Variants in SYDE2 observed in about 807,000 individuals in gnomAD.
SYDE2 encodes rho GTPase-activating protein SYDE2.
In SYDE2, 76 loss-of-function variants were observed where a neutral mutation model predicts 91.5. The observed-to-expected ratio is 0.83, with a 90% CI of 0.69 to 1.01. The LOEUF is 1.01. Among genes scored for constraint, SYDE2 ranks in the 50% least tolerant of loss-of-function variants. The pLI is 0.00. For missense variants in SYDE2, 1,364 were observed against 1,367.7 expected (o/e 1.00, Z 0.04); for synonymous variants, 513 against 506.4 (o/e 1.01, Z -0.18).
At position 85,182,879 on chromosome 1, in the gene SYDE2, A is replaced by G. The variant is rs761467027; in HGVS notation, c.1763T>C (p.Val588Ala). The change falls in exon 3 of 7, where the codon GTT (valine) becomes GCT (alanine). Residue 588 changes from valine (V) to alanine (A), a missense_variant. Physicochemically the swap from Val to Ala is moderately conservative, Grantham distance 64 (BLOSUM62 0). Coordinates refer to ENST00000341460, the MANE Select transcript of SYDE2 (RefSeq NM_032184.2). ...GNTTTAAKRN[V>A]ISRYHLDTSV... ...GGTATCAAGATGGTATCGGCTTATA[A>G]CATTCCTCTTAGCAGCGGTGGTTGT... is the stretch of plus-strand genomic sequence containing the variant. 1 of 1,613,728 alleles carries G rather than the reference A, an allele frequency of 6.2e-7. No homozygotes were observed. Among genetic ancestry groups the G allele is most frequent in the Non-Finnish European group, 8.5e-7 (1 of 1,179,788 alleles).
chr1:85,169,225 C>T lies in SYDE2; in HGVS notation c.2672G>A (p.Gly891Asp). Residue 891 changes from glycine (G) to aspartate (D), a missense_variant and splice_region_variant, in exon 5 of 7, where the codon GGT (glycine) becomes GAT (aspartate). Transcript: ENST00000341460. ...TTCTCTTAAATAATCCTTAAGAACA[C>T]CTTTAAAAAACAAACCGCAGACAGT... ...NQYPDINVITGVLKDYLRELP... is the reference protein window; with the variant it reads ...NQYPDINVITDVLKDYLRELP... 1 of 1,604,594 alleles carries T rather than the reference C, an allele frequency of 6.2e-7. No homozygotes were observed. The highest frequency in any genetic ancestry group is 8.5e-7 in the Non-Finnish European group (1 of 1,175,554).
chr1:85,190,192 G>T lies in SYDE2; in HGVS notation c.1306C>A (p.Arg436=), dbSNP rs201725879. 5 of 1,613,892 alleles carry T rather than the reference G, an allele frequency of 3.1e-6. No individual in the cohort carries two copies. Among genetic ancestry groups the T allele is most frequent in the Non-Finnish European group, 4.2e-6 (5 of 1,179,876 alleles). The change falls in exon 2 of 7, where the codon CGG becomes AGG. Residue 436 remains arginine, a synonymous_variant. Coordinates refer to ENST00000341460, the MANE Select transcript of SYDE2 (RefSeq NM_032184.2). ...SEHAGDIQTT[R]SNGMNPIHPA... ...TGTATAGGATTCATTCCATTTGACC[G>T]TGTGGTCTGAATATCACCTGCATGT...
chr1:85,177,563 C>G (rs556044505), intron 4 of SYDE2, among the ~76,000 whole-genome samples: 1 of 152,254 alleles, frequency 6.6e-6, no homozygotes, highest in Non-Finnish European at 1.5e-5. Flanking sequence ...TCTCCACCTC[C>G]TTTCAATTCT....
chr1:85,200,338 T>G lies in SYDE2; in HGVS notation c.659A>C (p.Gln220Pro). Residue 220 changes from glutamine to proline, a missense_variant, in exon 1 of 7, where the codon CAG becomes CCG. Physicochemically the swap from Gln to Pro is moderately conservative, Grantham distance 76 (BLOSUM62 -1). Coordinates refer to ENST00000341460, the MANE Select transcript of SYDE2 (RefSeq NM_032184.2). ...RGTAPKVTGT[Q>P]AASPNVGALK... ...AGCGCCCACATTTGGGGAGGCTGCCTGCGTTCCTGTGACTTTGGGAGCCGT... is the reference window on the plus strand; with the variant it reads ...AGCGCCCACATTTGGGGAGGCTGCCGGCGTTCCTGTGACTTTGGGAGCCGT... 1 of 1,614,032 alleles carries G rather than the reference T, an allele frequency of 6.2e-7. No individual in the cohort carries two copies. Among genetic ancestry groups the G allele is most frequent in the Non-Finnish European group, 8.5e-7 (1 of 1,179,902 alleles).
Position 85,157,765 on chromosome 1 carries a change from A to T in SYDE2, c.*985T>A, listed in dbSNP as rs1414886346. On this transcript the variant is annotated 3_prime_UTR_variant, in exon 7 of 7. Coordinates refer to ENST00000341460, the MANE Select transcript of SYDE2 (RefSeq NM_032184.2). ...TTCCCTGAAAAAAATACTTTAAGAT[A>T]ATAATTTTGGCCTCATGACATATAT... 1 of 152,168 alleles carries T rather than the reference A, an allele frequency of 6.6e-6. No homozygotes were observed. Among genetic ancestry groups the T allele is most frequent in the African/African-American group, 2.4e-5 (1 of 41,438 alleles). 9.4% of individuals were successfully genotyped at this position (152,168 alleles called of 1,614,324 possible).
chr1:85,166,833 A>G (rs1657296075), intron 5 of SYDE2, among the ~76,000 whole-genome samples: 1 of 152,190 alleles, frequency 6.6e-6, no homozygotes, highest in Non-Finnish European at 1.5e-5. Context: ...TATATGTTCA[A>G]TCTCAATAGC....
In SYDE2 at chr1:85,200,235, A is replaced by T. The variant is rs1325073656; in HGVS notation, c.745+17T>A. 17 of 1,613,616 alleles carry T rather than the reference A, an allele frequency of 1.1e-5. No homozygotes were observed. The highest frequency in any genetic ancestry group is 1.4e-5 in the Non-Finnish European group (16 of 1,179,884). On this transcript the variant is annotated intron_variant, in intron 1 of 6. Transcript: ENST00000341460. ...TAAGGCTCGCGGTGCTAGCATTTTC[A>T]TCGCAAAGTATCCTACCTGTCAGCG...
intron 4 of SYDE2, among the ~76,000 whole-genome samples, chr1:85,173,586 C>T (rs1657581238): frequency 6.6e-6 from 1 of 152,046 alleles, no homozygotes; most frequent in East Asian, 1.9e-4. Context: ...TCACATTCTG[C>T]CTAATAAAGC....
At position 85,200,831 on chromosome 1, in the gene SYDE2, G is replaced by C. The variant is rs1344488878; in HGVS notation, c.166C>G (p.Arg56Gly). The C allele has an allele frequency of 1.4e-6, 2 of 1,401,474 alleles. No homozygotes were observed. Among genetic ancestry groups the C allele is most frequent in the East Asian group, 3.1e-5 (1 of 32,720 alleles). 86.8% of individuals were successfully genotyped at this position (1,401,474 alleles called of 1,614,324 possible). The change falls in exon 1 of 7, where the codon CGG becomes GGG. Residue 56 changes from arginine to glycine, a missense_variant. Physicochemically the swap from Arg to Gly is moderately radical, Grantham distance 125. Coordinates refer to ENST00000341460, the MANE Select transcript of SYDE2 (RefSeq NM_032184.2). ...GACCGGGGCGGGGACACCTGCTGCCGAGGGCGTCCGCCGCCTCCCCGCTCC... is the reference window on the plus strand; with the variant it reads ...GACCGGGGCGGGGACACCTGCTGCCCAGGGCGTCCGCCGCCTCCCCGCTCC... ...DGERGGGGRP[R>G]QQVSPPRSPQ...
At chr1:85,164,792 A>G (rs895767322) in intron 5 of SYDE2, 35 bp from the exon 6 acceptor site, 3 of 1,218,878 alleles carry the variant, frequency 2.5e-6, no homozygotes, top group African/African-American at 1.6e-5. Flanking sequence ...ATATAGTCAT[A>G]AAGAGGCAAA....
intron 4 of SYDE2, among the ~76,000 whole-genome samples, chr1:85,176,480 G>A (rs538305826): frequency 6.6e-6 from 1 of 152,252 alleles, no homozygotes; most frequent in South Asian, 2.1e-4. Context: ...CAATTATTCA[G>A]AAAGCCTCAA....
At chr1:85,184,828 C>T (rs531279300) in intron 2 of SYDE2, among the ~76,000 whole-genome samples, 2 of 150,642 alleles carry the variant, frequency 1.3e-5, no homozygotes, top group Admixed American at 6.7e-5. Flanking sequence ...TACAGTGAGC[C>T]GTGATTGTGC....
At chr1:85,171,690 A>C (rs142975290) in intron 4 of SYDE2, among the ~76,000 whole-genome samples, 40 of 152,316 alleles carry the variant, frequency 2.6e-4, no homozygotes, top group Non-Finnish European at 3.1e-4. Flanking sequence ...GGGTTTTGTA[A>C]CCAGGTATAG....
Position 85,200,813 on chromosome 1 carries a change from G to A in SYDE2, c.184C>T (p.Pro62Ser). The change falls in exon 1 of 7, where the codon CCC becomes TCC. Residue 62 changes from proline to serine, a missense_variant. Transcript: ENST00000341460. ...GGRPRQQVSP[P>S]RSPQREPRGG... ...CGCGGCTCCCTCTGAGGCGACCGGG[G>A]CGGGGACACCTGCTGCCGAGGGCGT... 1 of 1,441,328 alleles carries A rather than the reference G, an allele frequency of 6.9e-7. No individual in the cohort carries two copies. The highest frequency in any genetic ancestry group is 9.0e-7 in the Non-Finnish European group (1 of 1,105,216). 89.3% of individuals were successfully genotyped at this position (1,441,328 alleles called of 1,614,324 possible).
At chr1:85,177,952 T>A (rs1176224594) in intron 4 of SYDE2, among the ~76,000 whole-genome samples, 194 bp downstream of exon 4, 1 of 152,204 alleles carries the variant, frequency 6.6e-6, no homozygotes. Context: ...CTTCATCATG[T>A]CAGCTGTTTG....
intron 4 of SYDE2, among the ~76,000 whole-genome samples, chr1:85,170,132 T>TTTA (rs1553170838): frequency 5.3e-5 from 8 of 150,820 alleles, no homozygotes; most frequent in African/African-American, 1.7e-4. Context: ...TTTTTTTTTT[T>TTTA]AATTGTGACA....
intron 2 of SYDE2, among the ~76,000 whole-genome samples, chr1:85,184,953 GA>G (rs1470046114): frequency 2.0e-5 from 3 of 151,328 alleles, no homozygotes; most frequent in Non-Finnish European, 4.4e-5. Context: ...GCATTAGGAT[GA>G]ATTAGCTTTC....
intron 6 of SYDE2, among the ~76,000 whole-genome samples, chr1:85,159,599 CA>C (rs917940180): frequency 7.9e-5 from 12 of 152,116 alleles, no homozygotes; most frequent in Non-Finnish European, 1.3e-4. Flanking sequence ...AAAGCTACAG[CA>C]AAAAGCAGGC....
chr1:85,195,298 T>C (rs1352102431), intron 1 of SYDE2, among the ~76,000 whole-genome samples: 1 of 152,240 alleles, frequency 6.6e-6, no homozygotes, highest in Non-Finnish European at 1.5e-5. Flanking sequence ...CTGTATTAGA[T>C]GTTTAAATCT....
Sources: allele counts gnomAD v4.1 joint callset (sites outside exome capture counted in the v4.1 genomes callset), GRCh38; gene constraint gnomAD v4.1.1; transcripts MANE v1.5; gene names NCBI Gene and HGNC (gene_info 2026-07-23, HGNC 2026-07-21).